Variants in BRD3 observed in about 807,000 individuals in gnomAD.
The protein encoded by BRD3 is bromodomain containing 3, also known as bromodomain-containing protein 3.
A neutral mutation model predicts 66.8 loss-of-function variants in BRD3; 17 were observed. That is an observed-to-expected ratio of 0.25 (90% confidence interval 0.17 to 0.38). The LOEUF (loss-of-function observed/expected upper bound fraction) is 0.38. Among genes scored for constraint, BRD3 ranks in the 10% least tolerant of loss-of-function variants. BRD3 has a pLI of 1.00. For synonymous variants in BRD3, 421 were observed against 393.2 expected (o/e 1.07, Z -0.84); for missense variants, 713 against 956.1 (o/e 0.75, Z 3.35).
At chr9:134,044,296 G>A (rs1023854282) in intron 7 of BRD3, among the ~76,000 whole-genome samples, 30 of 152,168 alleles carry the variant, frequency 2.0e-4, no homozygotes, top group Admixed American at 4.6e-4. Flanking sequence ...CCCTGTGCGC[G>A]AGAGGGTGGG....
intron 8 of BRD3, 150 bp from the exon 9 acceptor site, chr9:134,040,419 T>TGCCC: frequency 1.2e-6 from 1 of 853,746 alleles, no homozygotes; most frequent in Non-Finnish European, 1.8e-6. Flanking sequence ...GGCCCTGCTC[T>TGCCC]GCCCCTCACT....
In BRD3 at chr9:134,053,608, C is replaced by A. The variant is rs1830350832; in HGVS notation, c.-113-18G>T. ...GGCGACAGCTGCAGAGGAGGAAGCA[C>A]AACAGAGAGGAAGGCCAGTCACCCC... On this transcript the variant is annotated intron_variant, in intron 1 of 11. Coordinates refer to ENST00000303407, the MANE Select transcript of BRD3 (RefSeq NM_007371.4). 2 of 1,437,618 alleles carry A rather than the reference C, an allele frequency of 1.4e-6. No individual in the cohort carries two copies. The highest frequency in any genetic ancestry group is 5.0e-5 in the East Asian group (2 of 39,974). 89.1% of individuals were successfully genotyped at this position (1,437,618 alleles called of 1,614,324 possible).
rs143008006 is a variant in BRD3, at chr9:134,031,010, C to T, written c.*2580G>A. 439 of 231,044 alleles carry T rather than the reference C, an allele frequency of 1.9e-3. 3 individuals carry two copies. The highest frequency in any genetic ancestry group is 2.6e-3 in the Non-Finnish European group (309 of 116,638). The allele number at this position is 231,044 out of a possible 1,614,324, so 14.3% of individuals were successfully genotyped here. ...ACGGACGTGACTGTCACCCTCAGCC[C>T]GCCAGCAAGGGCGCTGAGGAAGTCA... On this transcript the variant is annotated 3_prime_UTR_variant, in exon 12 of 12. Transcript: ENST00000303407.
In BRD3 at chr9:134,051,878, T is replaced by TGTGTGTGTGTG. The variant is rs372701647; in HGVS notation, c.352-170_352-169insCACACACACAC. ...GTGTGTGTGTGTGTGTGTGTGTGTGTTGTTTTTTTTGTTTTTTTTTTTTTT... is the reference window on the plus strand; with the variant it reads ...GTGTGTGTGTGTGTGTGTGTGTGTGTGTGTGTGTGTGTGTTTTTTTTGTTTTTTTTTTTTTT... On this transcript the variant is annotated intron_variant, in intron 3 of 11. Coordinates refer to ENST00000303407, the MANE Select transcript of BRD3 (RefSeq NM_007371.4). 5.3e-3 allele frequency among the ~76,000 whole-genome samples: 617 copies of TGTGTGTGTGTG among 116,250 alleles called. 20 individuals carry two copies. The highest frequency in any genetic ancestry group is 0.022 in the African/African-American group (578 of 26,812). The allele number at this position is 116,250 out of a possible 152,430, so 76.3% of individuals were successfully genotyped here.
chr9:134,040,282 G>A lies in BRD3; in HGVS notation c.1408-13C>T, dbSNP rs73558792. The A allele has an allele frequency of 0.016, 25,595 of 1,586,526 alleles. 3,298 individuals carry two copies. In the African/African-American group the frequency reaches 0.29, roughly 18 times the overall value. ...GCACGGCCTTCAGCTGGAAAAGAGC[G>A]GGCGGCTGAGCAGGTGCTGGGCACG... On this transcript the variant is annotated splice_polypyrimidine_tract_variant and intron_variant, in intron 8 of 11. Transcript: ENST00000303407.
In BRD3 at chr9:134,033,209, G is replaced by C. The variant is rs1012482149; in HGVS notation, c.*381C>G. The stretch of plus-strand genomic sequence containing the variant: ...TTTCAAATACAGTACCCATATCCGA[G>C]ACATTTCCTTGGAAAAAATTCTTTC... On this transcript the variant is annotated 3_prime_UTR_variant, in exon 12 of 12. Transcript: ENST00000303407. This position sits in a 1 kb window ranked among gnomAD's most constrained non-coding sequence, Gnocchi z 5.1. 1 of 406,838 alleles carries C rather than the reference G, an allele frequency of 2.5e-6. No homozygotes were observed. Among genetic ancestry groups the C allele is most frequent in the Admixed American group, 4.3e-5 (1 of 23,316 alleles). The allele number at this position is 406,838 out of a possible 1,614,324, so 25.2% of individuals were successfully genotyped here. A position where few individuals can be genotyped will look rare whatever the true frequency, so the allele number is the denominator to read the frequency against.
At chr9:134,064,807 C>T (rs1313366993) in intron 1 of BRD3, among the ~76,000 whole-genome samples, 2 of 152,220 alleles carry the variant, frequency 1.3e-5, no homozygotes, top group African/African-American at 2.4e-5. Context: ...GATGTCTGTG[C>T]CCATGATTTC....
At chr9:134,037,434 G>A (rs543347713) in intron 9 of BRD3, among the ~76,000 whole-genome samples, 1 of 152,274 alleles carries the variant, frequency 6.6e-6, no homozygotes, top group South Asian at 2.1e-4. Flanking sequence ...AGCCAGGCAC[G>A]GTGGCGGGCA....
In BRD3 at chr9:134,051,607, G is replaced by A. The variant is rs761473408; in HGVS notation, c.454C>T (p.Pro152Ser). ...QEEVELLPPA[P>S]KGKGRKPAAG... ...GCCGGCTTCCGACCTTTGCCCTTTG[G>A]AGCAGGGGGTAATAATTCAACTTCC... Residue 152 changes from proline (P) to serine (S), a missense_variant, in exon 4 of 12, where the codon CCA becomes TCA. Physicochemically the swap from Pro to Ser is moderately conservative, Grantham distance 74. Transcript: ENST00000303407. 1.2e-5 allele frequency: 19 copies of A among 1,582,048 alleles called. No individual in the cohort carries two copies. Among genetic ancestry groups the A allele is most frequent in the Non-Finnish European group, 1.6e-5 (19 of 1,169,820 alleles).
intron 1 of BRD3, among the ~76,000 whole-genome samples, chr9:134,060,283 G>A (rs1485290296): frequency 6.6e-6 from 1 of 152,226 alleles, no homozygotes; most frequent in Admixed American, 6.5e-5. Context: ...CCAGCAGTGA[G>A]TGGGTCTGGT....
At chr9:134,042,712 CACATATATACACATATATAT>C (rs1830083072) in intron 7 of BRD3, among the ~76,000 whole-genome samples, 1 of 149,280 alleles carries the variant, frequency 6.7e-6, no homozygotes, top group Non-Finnish European at 1.5e-5. Context: ...CATATATATA[CACATATATACACATATATAT>C]ACACACATAT....
intron 1 of BRD3, among the ~76,000 whole-genome samples, chr9:134,064,383 T>TA (rs149541121): frequency 0.33 from 48,798 of 149,152 alleles, 8,118 homozygotes; most frequent in East Asian, 0.54. Flanking sequence ...TAAAAAAAAT[T>TA]AAAAAAAATA....
At position 134,048,332 on chromosome 9, in the gene BRD3, C is replaced by T. The variant is rs2132416771; in HGVS notation, c.837G>A (p.Arg279=). 6.9e-6 allele frequency: 11 copies of T among 1,599,240 alleles called. No homozygotes were observed. The highest frequency in any genetic ancestry group is 9.3e-6 in the Non-Finnish European group (11 of 1,179,454). ...DPKQAKVVAR[R]ESGGRPIKPP... ...GCTTGATGGGGCGGCCACCACTCTC[C>T]CGCCGGGCCACCACTTTGGCCTGCT... is the stretch of plus-strand genomic sequence containing the variant. The change falls in exon 6 of 12, where the codon CGG becomes CGA. Residue 279 remains arginine, a synonymous_variant. Coordinates refer to ENST00000303407, the MANE Select transcript of BRD3 (RefSeq NM_007371.4).
Position 134,053,296 on chromosome 9 carries a change from T to C in BRD3, c.182A>G (p.Gln61Arg). The C allele has an allele frequency of 6.2e-7, 1 of 1,613,298 alleles. No individual in the cohort carries two copies. ...WKHQFAWPFY[Q>R]PVDAIKLNLP... ...GTTCAATTTGATTGCGTCCACGGGCTGGTAGAAGGGCCAGGCGAACTGGTG... is the reference window on the plus strand; with the variant it reads ...GTTCAATTTGATTGCGTCCACGGGCCGGTAGAAGGGCCAGGCGAACTGGTG... The change falls in exon 2 of 12, where the codon CAG becomes CGG. Residue 61 changes from glutamine to arginine, a missense_variant. Around this residue, in one of 5 missense-constraint regions of BRD3, gnomAD observed 85 missense variants for 152.4 expected, o/e 0.56. Coordinates refer to ENST00000303407, the MANE Select transcript of BRD3 (RefSeq NM_007371.4).
Position 134,041,823 on chromosome 9 carries a change from C to G in BRD3, c.1344G>C (p.Ser448=), listed in dbSNP as rs373525654. Reference sequence around the variant, plus strand: ...CCTCCGAGTCCGAGCTGCCTGAGTCCGAAGAGCTCTCCTCACTGCTACGGC... The same window carrying G: ...CCTCCGAGTCCGAGCTGCCTGAGTCGGAAGAGCTCTCCTCACTGCTACGGC... The part of the protein sequence containing the change: ...ESSRSSEESS[S]DSGSSDSEEE... The change falls in exon 8 of 12, where the codon TCG becomes TCC. Residue 448 remains serine (S), a synonymous_variant. Coordinates refer to ENST00000303407, the MANE Select transcript of BRD3 (RefSeq NM_007371.4). 6.2e-7 allele frequency: 1 copy of G among 1,612,864 alleles called. No homozygotes were observed. The highest frequency in any genetic ancestry group is 1.3e-5 in the African/African-American group (1 of 74,938).
At chr9:134,063,257 G>A (rs1270616740) in intron 1 of BRD3, among the ~76,000 whole-genome samples, 4 of 152,200 alleles carry the variant, frequency 2.6e-5, no homozygotes, top group African/African-American at 7.2e-5. Context: ...AGCAAAGCGT[G>A]GGCATGCAGC....
rs1843498002 is a variant in BRD3 at position 134,030,649 on chromosome 9, A to C, written c.*2941T>G. The C allele has an allele frequency of 1.3e-5, 3 of 229,280 alleles. No individual in the cohort carries two copies. The Admixed American group carries it at 1.7e-4, about 13-fold the overall frequency. 14.2% of individuals were successfully genotyped at this position (229,280 alleles called of 1,614,324 possible). On this transcript the variant is annotated 3_prime_UTR_variant, in exon 12 of 12. Coordinates refer to ENST00000303407, the MANE Select transcript of BRD3 (RefSeq NM_007371.4). ...GAACAGTGCTACTCTGGATGTGACA[A>C]ATTCTGTATGTGGGTGTTACTCTTT...
At chr9:134,056,400 G>A (rs1289130615) in intron 1 of BRD3, among the ~76,000 whole-genome samples, 1 of 152,186 alleles carries the variant, frequency 6.6e-6, no homozygotes, top group African/African-American at 2.4e-5. Context: ...GGTGAGGCAT[G>A]GTGATCTCAC....
chr9:134,038,126 C>A lies in BRD3; in HGVS notation c.1644-1802G>T, dbSNP rs146895777. The stretch of plus-strand genomic sequence containing the variant: ...AATTCTATACATTTACTCCAGAAAA[C>A]AGAAGAGGGGCAACACCTTTCAAAT... On this transcript the variant is annotated intron_variant, in intron 9 of 11. Transcript: ENST00000303407. Among the ~76,000 whole-genome samples, 544 of 152,310 alleles carry A rather than the reference C, an allele frequency of 3.6e-3. 3 individuals carry two copies. Among genetic ancestry groups the A allele is most frequent in the African/African-American group, 0.012 (508 of 41,572 alleles).
Sources: allele counts gnomAD v4.1 joint callset (sites outside exome capture counted in the v4.1 genomes callset), GRCh38; gene constraint gnomAD v4.1.1; regional missense constraint gnomAD v4.1.1; non-coding constraint Gnocchi (gnomAD v3.1); transcripts MANE v1.5; gene names NCBI Gene and HGNC (gene_info 2026-07-23, HGNC 2026-07-21).